The following DBF4 variants were observed in gnomAD, a reference collection of about 807,000 sequenced individuals.
DBF4 encodes protein DBF4 homolog A.
A neutral mutation model predicts 76.6 loss-of-function variants in DBF4; 25 were observed. The observed-to-expected ratio is 0.33, with a 90% confidence interval of 0.24 to 0.46. The LOEUF is 0.46. Among genes scored for constraint, DBF4 ranks in the 20% least tolerant of loss-of-function variants. The probability of loss-of-function intolerance (pLI) is 1.00; values close to 1 mark genes in which losing one functional copy is unlikely to be tolerated. For missense variants in DBF4, 638 were observed against 760.8 expected, an observed-to-expected ratio of 0.84 and a Z score of 1.90; for synonymous variants, 213 against 258.0, an observed-to-expected ratio of 0.83 and a Z score of 1.67.
intron 6 of DBF4, among the ~76,000 whole-genome samples, chr7:87,890,208 T>C (rs1018646711): frequency 6.6e-6 from 1 of 152,196 alleles, no homozygotes. Context: ...TGAATTGACT[T>C]TATAGCCTAC....
chr7:87,887,393 T>C lies in DBF4; in HGVS notation c.515T>C (p.Ile172Thr). The change falls in exon 5 of 12, where the codon ATT (isoleucine) becomes ACT (threonine). Residue 172 changes from isoleucine to threonine, a missense_variant. Ile to Thr is a moderately conservative substitution (Grantham distance 89). Transcript: ENST00000265728. ...ALSWGVKILH[I>T]DDIRYYIEQK... ...TCATGGGGAGTAAAAATTCTTCATA[T>C]TGATGGTAAGGATTTTATAATTGTT... is the stretch of plus-strand genomic sequence containing the variant. The C allele has an allele frequency of 1.3e-6, 2 of 1,570,970 alleles. No homozygotes were observed. The highest frequency in any genetic ancestry group is 1.7e-6 in the Non-Finnish European group (2 of 1,149,654).
intron 6 of DBF4, among the ~76,000 whole-genome samples, chr7:87,893,946 G>C (rs960709240): frequency 1.3e-5 from 2 of 151,882 alleles, no homozygotes; most frequent in Admixed American, 1.3e-4. Context: ...CATTTTTGTT[G>C]TTTTATTTTA....
intron 6 of DBF4, 32 bp downstream of exon 6, chr7:87,888,091 C>A: frequency 6.5e-7 from 1 of 1,532,398 alleles, no homozygotes. Context: ...TTAAAGTGAC[C>A]AAGCTTGGTT....
At chr7:87,883,445 G>A (rs1025979015) in intron 2 of DBF4, among the ~76,000 whole-genome samples, 1 of 152,148 alleles carries the variant, frequency 6.6e-6, no homozygotes, top group Non-Finnish European at 1.5e-5. Context: ...CACAATAAAA[G>A]TGTATAGGAG....
intron 1 of DBF4, 88 bp from the exon 2 acceptor site, chr7:87,877,965 T>C: frequency 9.1e-7 from 1 of 1,094,288 alleles, no homozygotes; most frequent in Non-Finnish European, 1.3e-6. Context: ...GTTGTAAGGA[T>C]TTTTATTCTG....
chr7:87,884,876 G>A (rs1562757994), intron 2 of DBF4, 103 bp from the exon 3 acceptor site: 7 of 821,160 alleles, frequency 8.5e-6, no homozygotes, highest in Non-Finnish European at 9.4e-6. Flanking sequence ...GGTTGAGGCT[G>A]CAGTGAGCTA....
At position 87,907,793 on chromosome 7, in the gene DBF4, A is replaced by G. The variant is rs1293893043; in HGVS notation, c.1655A>G (p.His552Arg). ...HLTVQAKAPF[H>R]TPPEEPNECD... ...ACTGTTCAGGCAAAGGCTCCATTCC[A>G]TACTCCTCCTGAGGAACCCAATGAA... The change falls in exon 12 of 12, where the codon CAT becomes CGT. Residue 552 changes from histidine (H) to arginine (R), a missense_variant. Physicochemically the swap from His to Arg is conservative, Grantham distance 29. Coordinates refer to ENST00000265728, the MANE Select transcript of DBF4 (RefSeq NM_006716.4). 1.2e-6 allele frequency: 2 copies of G among 1,613,946 alleles called. No individual in the cohort carries two copies. Among genetic ancestry groups the G allele is most frequent in the Non-Finnish European group, 1.7e-6 (2 of 1,179,944 alleles).
intron 8 of DBF4, among the ~76,000 whole-genome samples, chr7:87,898,593 C>T (rs1839695072): frequency 6.6e-6 from 1 of 151,892 alleles, no homozygotes; most frequent in Non-Finnish European, 1.5e-5. Flanking sequence ...AGATGGAGAC[C>T]ATCCTGGCTA....
chr7:87,900,549 T>C (rs145362281), intron 9 of DBF4, among the ~76,000 whole-genome samples, 200 bp downstream of exon 9: 4 of 152,094 alleles, frequency 2.6e-5, no homozygotes, highest in Admixed American at 6.6e-5. Context: ...TGAAAATGTG[T>C]AGTTTATCTT....
chr7:87,908,899 G>C lies in DBF4; in HGVS notation c.*736G>C, dbSNP rs887718984. The C allele has an allele frequency of 6.6e-6, 1 of 152,348 alleles. No individual in the cohort carries two copies. The highest frequency in any genetic ancestry group is 6.5e-5 in the Admixed American group (1 of 15,284). 9.4% of individuals were successfully genotyped at this position (152,348 alleles called of 1,614,324 possible). On this transcript the variant is annotated 3_prime_UTR_variant, in exon 12 of 12. Coordinates refer to ENST00000265728, the MANE Select transcript of DBF4 (RefSeq NM_006716.4). Reference sequence around the variant, plus strand: ...GATCAAGACCATCCTGGCCAACATGGTGAAACCTTGTCTACTAAAAATACA... The same window carrying C: ...GATCAAGACCATCCTGGCCAACATGCTGAAACCTTGTCTACTAAAAATACA...
At chr7:87,894,579 C>T (rs1839582712) in intron 6 of DBF4, among the ~76,000 whole-genome samples, 1 of 152,172 alleles carries the variant, frequency 6.6e-6, no homozygotes, top group Non-Finnish European at 1.5e-5. Context: ...CGGATATATC[C>T]CTTTAGCCTG....
intron 3 of DBF4, 78 bp from the exon 4 acceptor site, chr7:87,886,766 C>G: frequency 1.1e-6 from 1 of 906,818 alleles, no homozygotes; most frequent in Non-Finnish European, 1.7e-6. Context: ...CAAAAGTTCT[C>G]TTTTCTTAGC....
Position 87,882,120 on chromosome 7 carries a change from A to C in DBF4, c.220-2859A>C, listed in dbSNP as rs183835175. ...AAACCAAAGGAAATAAGTGGTACTA[A>C]CATAAGAACAGACATACAGACCAAT... On this transcript the variant is annotated intron_variant, in intron 2 of 11. Transcript: ENST00000265728. Among the ~76,000 whole-genome samples, 3 of 152,314 alleles carry C rather than the reference A, an allele frequency of 2.0e-5. No individual in the cohort carries two copies. In the East Asian group the frequency reaches 5.8e-4, roughly 29 times the overall value.
Position 87,876,748 on chromosome 7 carries a change from A to G in DBF4, c.16A>G (p.Met6Val). The part of the protein sequence containing the change: MNSGA[M>V]RIHSKGHFQG... ...GGCGACTGCCATGAACTCCGGAGCC[A>G]TGAGGATCCACAGTAAAGGACATTT... The change falls in exon 1 of 12, where the codon ATG (methionine) becomes GTG (valine). Residue 6 changes from methionine (M) to valine (V), a missense_variant. Physicochemically the swap from Met to Val is conservative, Grantham distance 21. Coordinates refer to ENST00000265728, the MANE Select transcript of DBF4 (RefSeq NM_006716.4). The G allele has an allele frequency of 1.9e-6, 3 of 1,614,168 alleles. No homozygotes were observed. The highest frequency in any genetic ancestry group is 2.5e-6 in the Non-Finnish European group (3 of 1,180,020).
intron 6 of DBF4, chr7:87,896,120 CT>C (rs756346142): frequency 4.7e-6 from 1 of 214,344 alleles, no homozygotes; most frequent in Non-Finnish European, 9.2e-6. Flanking sequence ...GAATCTTTGC[CT>C]AAATTGACTG....
intron 11 of DBF4, 52 bp downstream of exon 11, chr7:87,904,468 G>A (rs1482065877): frequency 6.4e-7 from 1 of 1,553,620 alleles, no homozygotes; most frequent in Non-Finnish European, 8.7e-7. Context: ...GGCCAGGGGT[G>A]GTGGCTCATG....
intron 10 of DBF4, among the ~76,000 whole-genome samples, chr7:87,901,996 A>G (rs1839801519): frequency 1.3e-5 from 2 of 152,196 alleles, no homozygotes; most frequent in African/African-American, 2.4e-5. Flanking sequence ...CAAGAAAACT[A>G]TGATTAGTCT....
chr7:87,894,788 A>G (rs967603878), intron 6 of DBF4, among the ~76,000 whole-genome samples: 3 of 152,146 alleles, frequency 2.0e-5, no homozygotes, highest in Non-Finnish European at 4.4e-5. Context: ...TCAAATTGGT[A>G]TTCATTTATA....
intron 8 of DBF4, among the ~76,000 whole-genome samples, chr7:87,899,389 G>A (rs532617663): frequency 3.5e-4 from 53 of 152,146 alleles, no homozygotes; most frequent in African/African-American, 1.2e-3. Context: ...TTAATATCCA[G>A]AATATATTAA....
Sources: gnomAD v4.1 joint callset for allele counts (sites outside exome capture counted in the v4.1 genomes callset) on GRCh38, gnomAD v4.1.1 for gene constraint, MANE v1.5 for transcripts, NCBI Gene and HGNC (gene_info 2026-07-23, HGNC 2026-07-21) for gene names.